TIMM44: variants seen among roughly 807,000 people sequenced by gnomAD.
The protein encoded by TIMM44 is mitochondrial import inner membrane translocase subunit TIM44.
A neutral mutation model predicts 63.8 loss-of-function variants in TIMM44; 37 were observed. The observed-to-expected ratio is 0.58, with a 90% confidence interval of 0.45 to 0.76. The LOEUF is 0.76. Ranked by LOEUF, TIMM44 falls within the 30% of genes least tolerant of loss-of-function variation. TIMM44 has a pLI of 0.00. For missense variants in TIMM44, 573 were observed against 603.8 expected, an observed-to-expected ratio of 0.95 and a Z score of 0.54; for synonymous variants, 239 against 245.1, an observed-to-expected ratio of 0.98 and a Z score of 0.23.
Position 7,933,656 on chromosome 19 carries a change from G to T in TIMM44, c.684-86C>A. On this transcript the variant is annotated intron_variant, in intron 6 of 12. Coordinates refer to ENST00000270538, the MANE Select transcript of TIMM44 (RefSeq NM_006351.4). This position sits in a 1 kb window ranked among gnomAD's most constrained non-coding sequence, Gnocchi z 4.3. ...GCGGCTGCAGGCAGGGGGCAGTACA[G>T]GACAGCAGGCAGCTGAGACCTCAAA... The T allele has an allele frequency of 7.4e-7, 1 of 1,358,478 alleles. No homozygotes were observed. Among genetic ancestry groups the T allele is most frequent in the Non-Finnish European group, 1.1e-6 (1 of 950,426 alleles). The allele number at this position is 1,358,478 out of a possible 1,614,324, so 84.2% of individuals were successfully genotyped here.
At position 7,933,258 on chromosome 19, in the gene TIMM44, G is replaced by A. The variant is rs569283117; in HGVS notation, c.769+227C>T. Among the ~76,000 whole-genome samples the A allele has an allele frequency of 2.2e-4, 34 of 152,176 alleles. No individual in the cohort carries two copies. The highest frequency in any genetic ancestry group is 3.7e-4 in the Non-Finnish European group (25 of 68,030). ...CACAGGACAAGGGACAGGGGCCTGC[G>A]GCTCGTTTCGGGGCCCTGACTGTGC... On this transcript the variant is annotated intron_variant, in intron 7 of 12. Transcript: ENST00000270538. This position sits in a 1 kb window ranked among gnomAD's most constrained non-coding sequence, Gnocchi z 4.3.
Position 7,933,914 on chromosome 19 carries a change from C to A in TIMM44, c.633G>T (p.Thr211=). The A allele has an allele frequency of 6.2e-7, 1 of 1,614,188 alleles. No individual in the cohort carries two copies. Among genetic ancestry groups the A allele is most frequent in the African/African-American group, 1.3e-5 (1 of 75,046 alleles). The change falls in exon 6 of 13, where the codon ACG becomes ACT. Residue 211 remains threonine (T), a synonymous_variant. Coordinates refer to ENST00000270538, the MANE Select transcript of TIMM44 (RefSeq NM_006351.4). The surrounding 1 kb of genome is among the most constrained non-coding windows in gnomAD (Gnocchi z 4.3). ...CCTTGAACTTATCTCCCGCAAACTC[C>A]GTTCTCTTCCGGAGTCGCTGGGGCC... ...YRRPQRLRKR[T]EFAGDKFKEE...
In TIMM44 at chr19:7,927,235, G is replaced by A. The variant is rs1189685808; in HGVS notation, c.1311C>T (p.Ala437=). The A allele has an allele frequency of 6.2e-7, 1 of 1,612,386 alleles. No individual in the cohort carries two copies. The highest frequency in any genetic ancestry group is 1.7e-5 in the Admixed American group (1 of 60,030). Residue 437 remains alanine, a synonymous_variant, in exon 13 of 13, where the codon GCC becomes GCT. Transcript: ENST00000270538. ...AGGCCGAGATGTCCAGGAGCCGCCAGGCCGCGTAGGGGTTGAGCTCGTCCT... is the reference window on the plus strand; with the variant it reads ...AGGCCGAGATGTCCAGGAGCCGCCAAGCCGCGTAGGGGTTGAGCTCGTCCT... ...RDQDELNPYA[A]WRLLDISASS...
Position 7,934,213 on chromosome 19 carries a change from T to A in TIMM44, c.419A>T (p.Asp140Val). Residue 140 changes from aspartate (D) to valine (V), a missense_variant, in exon 5 of 13, where the codon GAT becomes GTT. Physicochemically the swap from Asp to Val is radical, Grantham distance 152 (BLOSUM62 -3). Coordinates refer to ENST00000270538, the MANE Select transcript of TIMM44 (RefSeq NM_006351.4). This position sits in a 1 kb window ranked among gnomAD's most constrained non-coding sequence, Gnocchi z 5.3. ...GCCCTCCTTGATTTTCCGGCCGAGA[T>A]CACTTTTACTGACTTCGTGAAGGCT... ...KESLHEVSKS[D>V]LGRKIKEGVE... 1.2e-6 allele frequency: 2 copies of A among 1,613,004 alleles called. No individual in the cohort carries two copies. The highest frequency in any genetic ancestry group is 8.5e-7 in the Non-Finnish European group (1 of 1,179,978).
In TIMM44 at chr19:7,926,736, T is replaced by C. The variant is rs941744566; in HGVS notation, c.*451A>G. On this transcript the variant is annotated 3_prime_UTR_variant, in exon 13 of 13. Coordinates refer to ENST00000270538, the MANE Select transcript of TIMM44 (RefSeq NM_006351.4). ...CCGTAGCTGCTCTTCTGCAATTCGGTGTTTTATTCTTTCCAAATCTCAGGC... is the reference window on the plus strand; with the variant it reads ...CCGTAGCTGCTCTTCTGCAATTCGGCGTTTTATTCTTTCCAAATCTCAGGC... 1.9e-5 allele frequency: 4 copies of C among 214,506 alleles called. No homozygotes were observed. Among genetic ancestry groups the C allele is most frequent in the African/African-American group, 7.0e-5 (3 of 42,922 alleles). 13.3% of individuals were successfully genotyped at this position (214,506 alleles called of 1,614,324 possible).
At chr19:7,940,962 C>T in intron 2 of TIMM44, 140 bp downstream of exon 2, 1 of 714,210 alleles carries the variant, frequency 1.4e-6, no homozygotes, top group Non-Finnish European at 2.5e-6. Context: ...ATCTGTCATT[C>T]TGAAAGCCCC....
chr19:7,940,968 G>T, intron 2 of TIMM44, 134 bp downstream of exon 2: 1 of 720,518 alleles, frequency 1.4e-6, no homozygotes, highest in African/African-American at 1.7e-5. Context: ...CATTCTGAAA[G>T]CCCCGGACAC....
At position 7,938,071 on chromosome 19, in the gene TIMM44, T is replaced by G; in HGVS notation, c.268A>C (p.Arg90=). ...SIKKFRDEAR[R]LEESDVLQEA... ...TGGAGCACGTCTGATTCTTCTAGCC[T>G]TCTGGCCTCGTCACGGAATTTTTTT... Residue 90 remains arginine, a synonymous_variant, in exon 3 of 13, where the codon AGG becomes CGG. Transcript: ENST00000270538. 1 of 1,614,168 alleles carries G rather than the reference T, an allele frequency of 6.2e-7. No homozygotes were observed. Among genetic ancestry groups the G allele is most frequent in the Non-Finnish European group, 8.5e-7 (1 of 1,180,040 alleles).
intron 10 of TIMM44, among the ~76,000 whole-genome samples, chr19:7,930,070 A>C (rs914532731): frequency 2.0e-5 from 3 of 151,760 alleles, no homozygotes; most frequent in Admixed American, 6.6e-5. Flanking sequence ...ACTGGTCTCG[A>C]ACTCCTGACC....
At chr19:7,939,612 C>CAAAAAAAA (rs34322159) in intron 2 of TIMM44, among the ~76,000 whole-genome samples, 1 of 91,232 alleles carries the variant, frequency 1.1e-5, no homozygotes. Flanking sequence ...GACTCCATCT[C>CAAAAAAAA]AAAAAAAAAA....
rs575224509 is a variant in TIMM44 at position 7,943,663 on chromosome 19, G to T, written c.-12C>A. On this transcript the variant is annotated 5_prime_UTR_variant, in exon 1 of 13. Coordinates refer to ENST00000270538, the MANE Select transcript of TIMM44 (RefSeq NM_006351.4). The surrounding 1 kb of genome is among the most constrained non-coding windows in gnomAD (Gnocchi z 4.3). ...GCCGCCGCCGCCATGTTGGAGAATC[G>T]TGTGACCTTCTCGCGGCGCGGCCCG... The T allele has an allele frequency of 3.2e-5, 50 of 1,558,364 alleles. No homozygotes were observed. The South Asian group carries it at 5.6e-4, about 17-fold the overall frequency.
At chr19:7,932,989 C>G in intron 7 of TIMM44, 57 bp from the exon 8 acceptor site, 1 of 1,404,848 alleles carries the variant, frequency 7.1e-7, no homozygotes, top group South Asian at 1.2e-5. Context: ...CACAACCCTC[C>G]CTCACAGCTT....
chr19:7,930,240 T>C (rs1340629916), intron 10 of TIMM44, among the ~76,000 whole-genome samples: 7 of 151,574 alleles, frequency 4.6e-5, no homozygotes, highest in African/African-American at 7.3e-5. Context: ...TGAGCTCAAG[T>C]GATCCTCCCA....
chr19:7,931,736 G>C (rs1202246265), intron 9 of TIMM44: 2 of 164,284 alleles, frequency 1.2e-5, no homozygotes, highest in Non-Finnish European at 2.6e-5. Flanking sequence ...CGATGAGGGG[G>C]AGGGAGGTGC....
In TIMM44 at chr19:7,935,294, T is replaced by G. The variant is rs529209837; in HGVS notation, c.313-149A>C. ...GATTTTCCTGCCCCAGCCTCCCGAG[T>G]AGCTGGGACTACAGGGCCCACCACC... On this transcript the variant is annotated intron_variant, in intron 3 of 12. Transcript: ENST00000270538. 1.6e-5 allele frequency: 11 copies of G among 707,550 alleles called. No individual in the cohort carries two copies. In the African/African-American group the frequency reaches 1.6e-4, roughly 10 times the overall value. 43.8% of individuals were successfully genotyped at this position (707,550 alleles called of 1,614,324 possible).
Position 7,927,641 on chromosome 19 carries a change from C to A in TIMM44, c.1239+16G>T. Reference sequence around the variant, plus strand: ...GGCGGTGTCATGTGCCTGCCCCATCCCACTCCCTCACTCACCGGGTCACCC... The same window carrying A: ...GGCGGTGTCATGTGCCTGCCCCATCACACTCCCTCACTCACCGGGTCACCC... On this transcript the variant is annotated intron_variant, in intron 12 of 12. Coordinates refer to ENST00000270538, the MANE Select transcript of TIMM44 (RefSeq NM_006351.4). The A allele has an allele frequency of 6.2e-7, 1 of 1,610,774 alleles. No individual in the cohort carries two copies. The highest frequency in any genetic ancestry group is 8.5e-7 in the Non-Finnish European group (1 of 1,178,128).
chr19:7,927,099 C>G lies in TIMM44; in HGVS notation c.*88G>C. 1.3e-6 allele frequency: 2 copies of G among 1,524,534 alleles called. No individual in the cohort carries two copies. Among genetic ancestry groups the G allele is most frequent in the South Asian group, 2.4e-5 (2 of 83,880 alleles). 94.4% of individuals were successfully genotyped at this position (1,524,534 alleles called of 1,614,324 possible). On this transcript the variant is annotated 3_prime_UTR_variant, in exon 13 of 13. Coordinates refer to ENST00000270538, the MANE Select transcript of TIMM44 (RefSeq NM_006351.4). ...TGGGGGCAGAGCCCGCAGTCTTGTTCCCAGAGGTCTGGAGTTGCCGCAGGT... is the reference window on the plus strand; with the variant it reads ...TGGGGGCAGAGCCCGCAGTCTTGTTGCCAGAGGTCTGGAGTTGCCGCAGGT...
At chr19:7,930,046 A>G (rs1348214853) in intron 10 of TIMM44, among the ~76,000 whole-genome samples, 1 of 151,596 alleles carries the variant, frequency 6.6e-6, no homozygotes, top group South Asian at 2.1e-4. Flanking sequence ...ACAGGGTTTC[A>G]CCATGTTGGC....
rs893044294 is a variant in TIMM44, at chr19:7,934,535, C to T, written c.394-297G>A. On this transcript the variant is annotated intron_variant, in intron 4 of 12. Coordinates refer to ENST00000270538, the MANE Select transcript of TIMM44 (RefSeq NM_006351.4). This position sits in a 1 kb window ranked among gnomAD's most constrained non-coding sequence, Gnocchi z 5.3. ...ACCGCCACGGCTTCCGGGATGCTGGCCCTGGGCTCTGGGTGAGACGCTGGG... is the reference window on the plus strand; with the variant it reads ...ACCGCCACGGCTTCCGGGATGCTGGTCCTGGGCTCTGGGTGAGACGCTGGG... 1.3e-5 allele frequency among the ~76,000 whole-genome samples: 2 copies of T among 152,184 alleles called. No individual in the cohort carries two copies. Among genetic ancestry groups the T allele is most frequent in the African/African-American group, 4.8e-5 (2 of 41,442 alleles).
Sources: allele counts gnomAD v4.1 joint callset (sites outside exome capture counted in the v4.1 genomes callset), GRCh38; gene constraint gnomAD v4.1.1; non-coding constraint Gnocchi (gnomAD v3.1); transcripts MANE v1.5; gene names NCBI Gene and HGNC (gene_info 2026-07-23, HGNC 2026-07-21).